The following B4GALT1 variants were observed in gnomAD, a reference collection of about 807,000 sequenced individuals.
The protein encoded by B4GALT1 is N-acetyllactosamine synthase.
In B4GALT1, 16 loss-of-function variants were observed where a neutral mutation model predicts 34.9. The observed-to-expected ratio is 0.46, with a 90% CI of 0.31 to 0.70. B4GALT1 has a LOEUF of 0.70. Among genes scored for constraint, B4GALT1 ranks in the 30% least tolerant of loss-of-function variants. The pLI is 0.05. For synonymous variants in B4GALT1, 221 were observed against 218.1 expected (o/e 1.01, Z -0.12); for missense variants, 445 against 530.5 (o/e 0.84, Z 1.58).
intron 4 of B4GALT1, among the ~76,000 whole-genome samples, chr9:33,114,843 C>A (rs189520090): frequency 4.6e-5 from 7 of 152,120 alleles, no homozygotes; most frequent in African/African-American, 1.7e-4. Context: ...GAAAGTTGCT[C>A]CACACACCAC....
At chr9:33,157,227 A>T (rs1293118290) in intron 1 of B4GALT1, among the ~76,000 whole-genome samples, 1 of 151,964 alleles carries the variant, frequency 6.6e-6, no homozygotes, top group South Asian at 2.1e-4. Flanking sequence ...ATACTTCAAA[A>T]GCCAGGATTT....
At chr9:33,176,134 T>C in the B4GALT1 span, among the ~76,000 whole-genome samples, 1 of 152,210 alleles carries the variant, frequency 6.6e-6, no homozygotes, top group Non-Finnish European at 1.5e-5. Context: ...TCTCTACCCT[T>C]GGATGGAGCT....
At chr9:33,137,400 T>A (rs1840286968) in intron 1 of B4GALT1, among the ~76,000 whole-genome samples, 1 of 152,158 alleles carries the variant, frequency 6.6e-6, no homozygotes, top group Admixed American at 6.5e-5. Flanking sequence ...GGGAAGAAGA[T>A]CCTCAGGCCT....
rs7019909 is a variant in B4GALT1 at position 33,113,324 on chromosome 9, C to A, written c.*130G>T. 7.1e-7 allele frequency: 1 copy of A among 1,398,892 alleles called. No homozygotes were observed. The highest frequency in any genetic ancestry group is 1.2e-5 in the South Asian group (1 of 85,482). 86.7% of individuals were successfully genotyped at this position (1,398,892 alleles called of 1,614,324 possible). On this transcript the variant is annotated 3_prime_UTR_variant, in exon 6 of 6. Transcript: ENST00000379731. ...TCGTCCTGGTCATCTGGAAAGCCAT[C>A]TGAATGATGAGCGAAGGGGACCTGT...
chr9:33,179,035 GA>G, the B4GALT1 span: 3 of 152,180 alleles, frequency 2.0e-5, no homozygotes, highest in Admixed American at 6.5e-5. Flanking sequence ...CAAGATGGGT[GA>G]ACAAAAAGCC....
At chr9:33,180,392 A>G in the B4GALT1 span, among the ~76,000 whole-genome samples, 1 of 152,190 alleles carries the variant, frequency 6.6e-6, no homozygotes, top group African/African-American at 2.4e-5. Flanking sequence ...ACTTTCATCA[A>G]TGTCTTCCGA....
At chr9:33,113,713 T>A (rs1839898472) in intron 5 of B4GALT1, 61 bp downstream of exon 5, 6 of 1,608,858 alleles carry the variant, frequency 3.7e-6, no homozygotes, top group African/African-American at 1.3e-5. Flanking sequence ...GCCCAGAGCC[T>A]CGGACCTGCA....
chr9:33,106,348 G>A (rs1223615865), downstream of B4GALT1, among the ~76,000 whole-genome samples: 1 of 152,142 alleles, frequency 6.6e-6, no homozygotes, highest in East Asian at 1.9e-4. Flanking sequence ...TTGCTCCCAC[G>A]CTCCTCTTAA....
intron 4 of B4GALT1, among the ~76,000 whole-genome samples, chr9:33,114,975 A>G (rs998103288): frequency 9.9e-5 from 15 of 152,204 alleles, no homozygotes; most frequent in African/African-American, 3.6e-4. Flanking sequence ...CTGTCATATC[A>G]GTCCAGAGTG....
chr9:33,121,261 A>C (rs769541749), intron 2 of B4GALT1, among the ~76,000 whole-genome samples: 19 of 152,244 alleles, frequency 1.2e-4, no homozygotes, highest in Non-Finnish European at 2.6e-4. Context: ...ACCAGGACAG[A>C]AGCAAGGTGT....
At chr9:33,140,168 T>G (rs1034440690) in intron 1 of B4GALT1, among the ~76,000 whole-genome samples, 1 of 152,224 alleles carries the variant, frequency 6.6e-6, no homozygotes, top group African/African-American at 2.4e-5. Context: ...CTGACTGGTT[T>G]TCATGCTGGC....
At chr9:33,106,955 T>C (rs1744758681), downstream of B4GALT1, among the ~76,000 whole-genome samples, 1 of 152,102 alleles carries the variant, frequency 6.6e-6, no homozygotes, top group Non-Finnish European at 1.5e-5. Context: ...CCTGGTGACC[T>C]GGCACTCACT....
At chr9:33,129,735 G>A (rs1267363995) in intron 2 of B4GALT1, among the ~76,000 whole-genome samples, 1 of 152,224 alleles carries the variant, frequency 6.6e-6, no homozygotes, top group Non-Finnish European at 1.5e-5. Flanking sequence ...GGAGAAGTCA[G>A]CTCTATTCCA....
the B4GALT1 span, among the ~76,000 whole-genome samples, chr9:33,181,077 CTT>C: frequency 2.0e-5 from 3 of 152,218 alleles, no homozygotes; most frequent in East Asian, 5.8e-4. Flanking sequence ...ATGTGATAGT[CTT>C]TGCTCTGGCT....
chr9:33,170,745 C>G (rs532644933), upstream of B4GALT1, among the ~76,000 whole-genome samples: 1 of 152,228 alleles, frequency 6.6e-6, no homozygotes, highest in Admixed American at 6.5e-5. Flanking sequence ...GCCCAGAAAC[C>G]TTTGGGACAA....
chr9:33,124,873 T>C (rs185605034), intron 2 of B4GALT1, among the ~76,000 whole-genome samples: 4 of 152,162 alleles, frequency 2.6e-5, no homozygotes, highest in African/African-American at 9.6e-5. Flanking sequence ...ATGATTAGAG[T>C]TTCTCACAGC....
chr9:33,159,251 T>C (rs2118299408), intron 1 of B4GALT1, among the ~76,000 whole-genome samples: 1 of 152,258 alleles, frequency 6.6e-6, no homozygotes, highest in Non-Finnish European at 1.5e-5. Flanking sequence ...AGAAAAAAAC[T>C]TAAGGCATTT....
In B4GALT1 at chr9:33,139,711, C is replaced by T. The variant is rs10971425; in HGVS notation, c.413-4287G>A. On this transcript the variant is annotated intron_variant, in intron 1 of 5. Coordinates refer to ENST00000379731, the MANE Select transcript of B4GALT1 (RefSeq NM_001497.4). The stretch of plus-strand genomic sequence containing the variant: ...ACGACTACCTCTGTTCAGAATCATG[C>T]AGACCTGCGACCAGGTTTCAGAGCC... Among the ~76,000 whole-genome samples the T allele has an allele frequency of 2.6e-3, 392 of 152,358 alleles. 1 individual carries two copies. Among genetic ancestry groups the T allele is most frequent in the Non-Finnish European group, 4.7e-3 (318 of 68,026 alleles).
rs561534035 is a variant in B4GALT1, at chr9:33,113,235, G to T, written c.*219C>A. 549 of 636,800 alleles carry T rather than the reference G, an allele frequency of 8.6e-4. 8 individuals are homozygous for T. The highest frequency in any genetic ancestry group is 7.1e-3 in the South Asian group (391 of 55,066). The allele number at this position is 636,800 out of a possible 1,614,324, so 39.4% of individuals were successfully genotyped here. ...CGAACACATCAAGAAACCCGCAAAG[G>T]CATAAACACCTTGCAGAGCTAAGAA... On this transcript the variant is annotated 3_prime_UTR_variant, in exon 6 of 6. Coordinates refer to ENST00000379731, the MANE Select transcript of B4GALT1 (RefSeq NM_001497.4).
Sources: gnomAD v4.1 joint callset for allele counts (sites outside exome capture counted in the v4.1 genomes callset) on GRCh38, gnomAD v4.1.1 for gene constraint, MANE v1.5 for transcripts, NCBI Gene and HGNC (gene_info 2026-07-23, HGNC 2026-07-21) for gene names.